The following FREM1 variants were observed in gnomAD, a reference collection of about 807,000 sequenced individuals.
FREM1 encodes the protein FRAS1 related extracellular matrix 1, also known as FRAS1-related extracellular matrix protein 1.
A neutral mutation model predicts 210.1 loss-of-function variants in FREM1; 220 were observed. The ratio of observed to expected loss-of-function variants is 1.05; its 90% CI spans 0.94 to 1.17. FREM1 has a LOEUF of 1.17. Ranked by LOEUF, FREM1 falls within the 50% of genes most tolerant of loss-of-function variation. The pLI is 0.00. For synonymous variants in FREM1, 1,189 were observed against 980.2 expected, an observed-to-expected ratio of 1.21 and a Z score of -3.98; for missense variants, 3,454 against 2,675.5, an observed-to-expected ratio of 1.29 and a Z score of -6.42.
chr9:14,857,576 T>C lies in FREM1; in HGVS notation c.805A>G (p.Thr269Ala), dbSNP rs199660240. Residue 269 changes from threonine to alanine, a missense_variant, in exon 5 of 37, where the codon ACC becomes GCC. Physicochemically the swap from Thr to Ala is moderately conservative, Grantham distance 58 (BLOSUM62 0). Transcript: ENST00000380880. ...ACCTTGTACACAATTTTGCTCCTGG[T>C]ATCTGTGAGGTCCAGTTGGATGGAG... ...YISIQLDLTD[T>A]RSKIVYKSES... The C allele has an allele frequency of 2.5e-6, 4 of 1,613,694 alleles. No individual in the cohort carries two copies. The highest frequency in any genetic ancestry group is 3.4e-6 in the Non-Finnish European group (4 of 1,179,832).
intron 26 of FREM1, among the ~76,000 whole-genome samples, chr9:14,770,327 G>C (rs952716897): frequency 6.6e-6 from 1 of 152,112 alleles, no homozygotes; most frequent in African/African-American, 2.4e-5. Context: ...ATTTGGTCCT[G>C]ATATTATGTT....
Position 14,805,014 on chromosome 9 carries a change from G to C in FREM1, c.3413C>G (p.Ser1138Cys), listed in dbSNP as rs774804508. Residue 1138 changes from serine to cysteine, a missense_variant, in exon 19 of 37, where the codon TCT becomes TGT. Coordinates refer to ENST00000380880, the MANE Select transcript of FREM1 (RefSeq NM_001379081.2). ...ATCATTTGTGGGGTTGATTATAATAGAAAATGGTATCTCCAAGGAGTGATG... is the reference window on the plus strand; with the variant it reads ...ATCATTTGTGGGGTTGATTATAATACAAAATGGTATCTCCAAGGAGTGATG... ...GKHHSLEIPFSIIINPTNDEA... is the reference protein window; with the variant it reads ...GKHHSLEIPFCIIINPTNDEA... 9.9e-6 allele frequency: 16 copies of C among 1,613,636 alleles called. No homozygotes were observed. The highest frequency in any genetic ancestry group is 8.9e-5 in the East Asian group (4 of 44,886).
chr9:14,875,718 G>C (rs1027236724), intron 1 of FREM1, among the ~76,000 whole-genome samples: 2 of 152,210 alleles, frequency 1.3e-5, no homozygotes, highest in Non-Finnish European at 2.9e-5. Context: ...TTGCTGGTGA[G>C]GAACTGCATT....
chr9:14,775,729 A>AG (rs2132621607), intron 25 of FREM1, 60 bp downstream of exon 25: 1 of 910,956 alleles, frequency 1.1e-6, no homozygotes, highest in Non-Finnish European at 1.6e-6. Context: ...AAAAAAAAAA[A>AG]AATTCTCGAT....
At chr9:14,756,109 G>A (rs1170517891) in intron 29 of FREM1, among the ~76,000 whole-genome samples, 1 of 152,076 alleles carries the variant, frequency 6.6e-6, no homozygotes. Flanking sequence ...TTTCTGGATT[G>A]TCTTGGATGT....
At chr9:14,740,913 C>A (rs1402474012) in intron 35 of FREM1, among the ~76,000 whole-genome samples, 1 of 152,100 alleles carries the variant, frequency 6.6e-6, no homozygotes, top group African/African-American at 2.4e-5. Flanking sequence ...AATTCCCCAG[C>A]AGTGCTCATT....
Position 14,841,452 on chromosome 9 carries a change from G to A in FREM1, c.1876C>T (p.Pro626Ser). ...GTTCAGAAACAGTCTCTTACCTGTG[G>A]CACTGAAAGATTTGGAGGTTCATGG... ...DSHEPPNLSV[P>S]QVATIHITPV... The change falls in exon 10 of 37, where the codon CCA becomes TCA. Residue 626 changes from proline to serine, a missense_variant. Physicochemically the swap from Pro to Ser is moderately conservative, Grantham distance 74 (BLOSUM62 -1). Transcript: ENST00000380880. The A allele has an allele frequency of 6.2e-7, 1 of 1,602,172 alleles. No individual in the cohort carries two copies.
chr9:14,887,092 A>T (rs974299257), intron 1 of FREM1, among the ~76,000 whole-genome samples: 1 of 152,180 alleles, frequency 6.6e-6, no homozygotes, highest in African/African-American at 2.4e-5. Context: ...CATGTGCCAT[A>T]AATTGATTCA....
At chr9:14,841,758 A>G (rs1195473083) in intron 9 of FREM1, among the ~76,000 whole-genome samples, 169 bp from the exon 10 acceptor site, 1 of 152,234 alleles carries the variant, frequency 6.6e-6, no homozygotes, top group Non-Finnish European at 1.5e-5. Context: ...CAGAAAAATA[A>G]TAAATAATAA....
chr9:14,806,549 C>T (rs537035756), intron 18 of FREM1, 112 bp downstream of exon 18: 23 of 699,680 alleles, frequency 3.3e-5, no homozygotes, highest in Non-Finnish European at 4.4e-5. Flanking sequence ...CCACCACGCC[C>T]GGTGCTTTAA....
At chr9:14,768,024 T>C (rs1282670772) in intron 27 of FREM1, among the ~76,000 whole-genome samples, 3 of 152,220 alleles carry the variant, frequency 2.0e-5, no homozygotes, top group African/African-American at 7.2e-5. Context: ...AATTTTGCTG[T>C]AATTCTCATA....
intron 1 of FREM1, among the ~76,000 whole-genome samples, chr9:14,884,907 C>A (rs921793567): frequency 2.4e-4 from 33 of 137,774 alleles, no homozygotes; most frequent in African/African-American, 7.9e-4. Context: ...ATCAATAATT[C>A]ATCATAGCTT....
intron 21 of FREM1, among the ~76,000 whole-genome samples, chr9:14,793,407 G>C (rs1232734771): frequency 6.6e-6 from 1 of 152,138 alleles, no homozygotes; most frequent in Non-Finnish European, 1.5e-5. Context: ...GTAATGTTCT[G>C]GGTAGTATGT....
chr9:14,903,650 T>G (rs2132660766), intron 1 of FREM1, among the ~76,000 whole-genome samples: 1 of 152,306 alleles, frequency 6.6e-6, no homozygotes, highest in Non-Finnish European at 1.5e-5. Context: ...ACATCCTACC[T>G]GGTAGTGTAT....
intron 1 of FREM1, among the ~76,000 whole-genome samples, chr9:14,908,098 G>C (rs1335478681): frequency 6.6e-6 from 1 of 152,144 alleles, no homozygotes. Flanking sequence ...GGCTCTGATG[G>C]CCATGTCCAG....
intron 24 of FREM1, among the ~76,000 whole-genome samples, chr9:14,777,775 T>C (rs2132674857): frequency 6.6e-6 from 1 of 152,282 alleles, no homozygotes; most frequent in South Asian, 2.1e-4. Flanking sequence ...TTGATCCTTT[T>C]GAGCATGAAG....
Position 14,746,916 on chromosome 9 carries a change from C to T in FREM1, c.6138+7G>A, listed in dbSNP as rs1360058250. 6.2e-7 allele frequency: 1 copy of T among 1,612,064 alleles called. No homozygotes were observed. The highest frequency in any genetic ancestry group is 8.5e-7 in the Non-Finnish European group (1 of 1,179,440). Reference sequence around the variant, plus strand: ...AAAGGTGCTTGGCTGCTCAGCCTGCCTCCTACCTTGGTTTGGGGACTCCAG... The same window carrying T: ...AAAGGTGCTTGGCTGCTCAGCCTGCTTCCTACCTTGGTTTGGGGACTCCAG... On this transcript the variant is annotated splice_region_variant and intron_variant, in intron 34 of 36. Coordinates refer to ENST00000380880, the MANE Select transcript of FREM1 (RefSeq NM_001379081.2).
At chr9:14,763,215 G>T (rs1463832001) in intron 27 of FREM1, among the ~76,000 whole-genome samples, 1 of 152,178 alleles carries the variant, frequency 6.6e-6, no homozygotes, top group Admixed American at 6.6e-5. Context: ...TGTTGCGGGA[G>T]GCTGTCCTGT....
At chr9:14,784,736 T>C (rs1850149137) in intron 23 of FREM1, 102 bp from the exon 24 acceptor site, 2 of 746,860 alleles carry the variant, frequency 2.7e-6, no homozygotes, top group South Asian at 4.4e-5. Context: ...AAAATCAAAA[T>C]TAATACGACA....
Sources: gnomAD v4.1 joint callset for allele counts (sites outside exome capture counted in the v4.1 genomes callset) on GRCh38, gnomAD v4.1.1 for gene constraint, MANE v1.5 for transcripts, NCBI Gene and HGNC (gene_info 2026-07-23, HGNC 2026-07-21) for gene names.